DCP1A: variants seen among roughly 807,000 people sequenced by gnomAD.
The protein encoded by DCP1A is mRNA-decapping enzyme 1A.
A neutral mutation model predicts 58.0 loss-of-function variants in DCP1A; 20 were observed. That is an observed-to-expected ratio of 0.34 (90% confidence interval 0.24 to 0.50). The LOEUF (loss-of-function observed/expected upper bound fraction) is 0.50, where lower values mean the gene tolerates loss of function less well. Ranked by LOEUF, DCP1A falls within the 20% of genes least tolerant of loss-of-function variation. The pLI, the probability that DCP1A is intolerant of heterozygous loss-of-function variation, is 0.98. For missense variants in DCP1A, 613 were observed against 712.2 expected (o/e 0.86, Z 1.59); for synonymous variants, 285 against 275.1 (o/e 1.04, Z -0.36).
chr3:53,292,438 G>C lies in DCP1A; in HGVS notation c.1014C>G (p.Asn338Lys). 6.2e-7 allele frequency: 1 copy of C among 1,613,996 alleles called. No individual in the cohort carries two copies. Among genetic ancestry groups the C allele is most frequent in the Non-Finnish European group, 8.5e-7 (1 of 1,179,898 alleles). Reference protein sequence around the residue: ...TAQVPPSLPRNSTMMQAVKTT... With the variant: ...TAQVPPSLPRKSTMMQAVKTT... ...TCTTCACTGCCTGCATCATGGTGCT[G>C]TTTCGAGGTAAGCTGGGGGGAACCT... Residue 338 changes from asparagine to lysine, a missense_variant, in exon 7 of 10, where the codon AAC becomes AAG. Physicochemically the swap from Asn to Lys is moderately conservative, Grantham distance 94. Coordinates refer to ENST00000610213, the MANE Select transcript of DCP1A (RefSeq NM_018403.7).
Position 53,292,840 on chromosome 3 carries a change from T to C in DCP1A, c.625-13A>G, listed in dbSNP as rs1267215006. On this transcript the variant is annotated splice_polypyrimidine_tract_variant and intron_variant, in intron 6 of 9. Transcript: ENST00000610213. ...CAGATGGAGCAGACTGAAAAACAAA[T>C]GAAACCACCCAGTCAAAGAGGTCTG... 4 of 1,592,478 alleles carry C rather than the reference T, an allele frequency of 2.5e-6. No individual in the cohort carries two copies. Among genetic ancestry groups the C allele is most frequent in the Non-Finnish European group, 2.6e-6 (3 of 1,174,304 alleles).
chr3:53,339,106 C>T (rs1373481687), intron 3 of DCP1A, among the ~76,000 whole-genome samples: 1 of 152,108 alleles, frequency 6.6e-6, no homozygotes, highest in Non-Finnish European at 1.5e-5. Context: ...CAGATACTAA[C>T]TTTTTATTTA....
intron 3 of DCP1A, among the ~76,000 whole-genome samples, chr3:53,322,664 T>G (rs1708002553): frequency 6.6e-6 from 1 of 151,842 alleles, no homozygotes. Flanking sequence ...GAAAAACCTC[T>G]AATTACACTA....
intron 7 of DCP1A, 83 bp downstream of exon 7, chr3:53,291,986 A>G (rs1706892804): frequency 1.4e-6 from 2 of 1,422,148 alleles, no homozygotes; most frequent in Non-Finnish European, 1.9e-6. Flanking sequence ...TCATGTCATG[A>G]CAGTTAAAAC....
intron 7 of DCP1A, among the ~76,000 whole-genome samples, chr3:53,291,267 C>A (rs1291276191): frequency 8.7e-6 from 1 of 115,448 alleles, no homozygotes; most frequent in Non-Finnish European, 2.1e-5. Flanking sequence ...GCATGCGATG[C>A]ATAATAATCA....
intron 5 of DCP1A, among the ~76,000 whole-genome samples, chr3:53,310,041 AGAT>A (rs1445675561): frequency 3.3e-5 from 5 of 152,244 alleles, no homozygotes; most frequent in Non-Finnish European, 7.3e-5. Context: ...CCATCTGATG[AGAT>A]GATAGACAAA....
intron 6 of DCP1A, among the ~76,000 whole-genome samples, chr3:53,301,445 G>GT (rs1269731820): frequency 6.6e-6 from 1 of 151,912 alleles, no homozygotes; most frequent in African/African-American, 2.4e-5. Context: ...TCCAATTTTT[G>GT]TATTTTTAGT....
intron 3 of DCP1A, among the ~76,000 whole-genome samples, chr3:53,328,102 A>G (rs1553690856): frequency 6.6e-6 from 1 of 152,092 alleles, no homozygotes; most frequent in African/African-American, 2.4e-5. Flanking sequence ...CCTGGGTGAC[A>G]AGAGCAAAAC....
intron 3 of DCP1A, among the ~76,000 whole-genome samples, chr3:53,329,925 A>G (rs540010031): frequency 1.4e-4 from 21 of 152,238 alleles, no homozygotes; most frequent in Non-Finnish European, 5.9e-5. Context: ...GTTTTTGGTT[A>G]AAACTACCAT....
At position 53,292,110 on chromosome 3, in the gene DCP1A, C is replaced by A. The variant is rs554234163; in HGVS notation, c.1342G>T (p.Ala448Ser). The change falls in exon 7 of 10, where the codon GCC becomes TCC. Residue 448 changes from alanine to serine, a missense_variant. By Grantham distance (99) the Ala-to-Ser change is moderately conservative (BLOSUM62 1). Coordinates refer to ENST00000610213, the MANE Select transcript of DCP1A (RefSeq NM_018403.7). ...ACCATGTTGCTCAGGGAGGCTGAGGCCGCCACTCTTGCTGCTGCTGTCTTA... is the reference window on the plus strand; with the variant it reads ...ACCATGTTGCTCAGGGAGGCTGAGGACGCCACTCTTGCTGCTGCTGTCTTA... ...PSKTAAARVA[A>S]SASLSNMVLA... 1 of 1,613,648 alleles carries A rather than the reference C, an allele frequency of 6.2e-7. No individual in the cohort carries two copies. Among genetic ancestry groups the A allele is most frequent in the African/African-American group, 1.3e-5 (1 of 75,006 alleles).
At chr3:53,338,110 A>G (rs2106890567) in intron 3 of DCP1A, 1 of 431,524 alleles carries the variant, frequency 2.3e-6, no homozygotes, top group South Asian at 1.6e-5. Context: ...TCTCGAGCAG[A>G]TTCCTAAACA....
At chr3:53,310,128 C>T (rs1395439381) in intron 5 of DCP1A, among the ~76,000 whole-genome samples, 2 of 152,206 alleles carry the variant, frequency 1.3e-5, no homozygotes, top group Non-Finnish European at 2.9e-5. Flanking sequence ...TCAGAAAGAA[C>T]ACATGATAAA....
chr3:53,289,141 G>T (rs1354842935), intron 8 of DCP1A, among the ~76,000 whole-genome samples: 4 of 150,524 alleles, frequency 2.7e-5, no homozygotes, highest in African/African-American at 9.7e-5. Context: ...TGATTTTTTT[G>T]TAAAGACGAG....
chr3:53,333,978 A>T (rs1327980116), intron 3 of DCP1A, among the ~76,000 whole-genome samples: 1 of 151,792 alleles, frequency 6.6e-6, no homozygotes, highest in Non-Finnish European at 1.5e-5. Flanking sequence ...AAACCAGCAT[A>T]CAGGGCCAGT....
intron 4 of DCP1A, among the ~76,000 whole-genome samples, chr3:53,318,805 C>T (rs1054029881): frequency 3.9e-5 from 6 of 152,188 alleles, no homozygotes; most frequent in Admixed American, 2.6e-4. Context: ...GAGTCTGTGT[C>T]AAAAACAAGT....
At chr3:53,290,257 C>G (rs561891459) in intron 8 of DCP1A, among the ~76,000 whole-genome samples, 1 of 152,274 alleles carries the variant, frequency 6.6e-6, no homozygotes, top group Non-Finnish European at 1.5e-5. Context: ...AGGCTTTGTT[C>G]TCAGAGCAAT....
Position 53,308,628 on chromosome 3 carries a change from C to T in DCP1A, c.510+3613G>A, listed in dbSNP as rs1176122019. Among the ~76,000 whole-genome samples, 5 of 152,106 alleles carry T rather than the reference C, an allele frequency of 3.3e-5. No individual in the cohort carries two copies. The East Asian group carries it at 9.6e-4, about 29-fold the overall frequency. On this transcript the variant is annotated intron_variant, in intron 5 of 9. Transcript: ENST00000610213. ...TTTCTTTTTAAGAAACAGAGTCTTGCTGTCACCTGAGCTGGAATGCAGCAG... is the reference window on the plus strand; with the variant it reads ...TTTCTTTTTAAGAAACAGAGTCTTGTTGTCACCTGAGCTGGAATGCAGCAG...
At chr3:53,317,594 T>A (rs781948031) in intron 4 of DCP1A, among the ~76,000 whole-genome samples, 3 of 152,224 alleles carry the variant, frequency 2.0e-5, no homozygotes, top group Non-Finnish European at 4.4e-5. Flanking sequence ...CTTGTGCCTA[T>A]AGTCCCAATT....
intron 3 of DCP1A, 134 bp downstream of exon 3, chr3:53,342,010 A>G (rs1328758087): frequency 1.3e-6 from 1 of 786,828 alleles, no homozygotes; most frequent in Admixed American, 2.8e-5. Flanking sequence ...GATCTTTCCA[A>G]CAGACTCATT....
Sources: allele counts gnomAD v4.1 joint callset (sites outside exome capture counted in the v4.1 genomes callset), GRCh38; gene constraint gnomAD v4.1.1; transcripts MANE v1.5; gene names NCBI Gene and HGNC (gene_info 2026-07-23, HGNC 2026-07-21).